The following BABAM2 variants were observed in gnomAD, a reference collection of about 807,000 sequenced individuals.
BABAM2 encodes BRISC and BRCA1 A complex member 2, also known as BRISC and BRCA1-A complex member 2.
BABAM2 carries 31 observed loss-of-function variants against 54.7 expected under a neutral mutation model. That is an observed-to-expected ratio of 0.57 (90% confidence interval 0.43 to 0.77). The LOEUF is 0.77. BABAM2 is among the 30% of genes least tolerant of loss of function. The pLI, the probability that BABAM2 is intolerant of heterozygous loss-of-function variation, is 0.00. For synonymous variants in BABAM2, 167 were observed against 162.9 expected (o/e 1.03, Z -0.19); for missense variants, 364 against 455.8 (o/e 0.80, Z 1.83).
intron 11 of BABAM2, among the ~76,000 whole-genome samples, chr2:28,327,960 G>A (rs1690622947): frequency 6.6e-6 from 1 of 152,164 alleles, no homozygotes; most frequent in Non-Finnish European, 1.5e-5. Context: ...GCCCACACCC[G>A]AGAGCCAGGC....
intron 6 of BABAM2, among the ~76,000 whole-genome samples, chr2:28,092,860 AG>A (rs201250264): frequency 0.012 from 1,874 of 152,002 alleles, 16 homozygotes; most frequent in Middle Eastern, 0.031. Context: ...TCAAGATCAT[AG>A]GATCATGTTT....
intron 7 of BABAM2, among the ~76,000 whole-genome samples, chr2:28,234,690 A>G (rs1263971496): frequency 1.3e-5 from 2 of 152,154 alleles, no homozygotes; most frequent in African/African-American, 2.4e-5. Context: ...CAGATATTCA[A>G]CCTGTACCTA....
At position 28,248,207 on chromosome 2, in the gene BABAM2, C is replaced by CTTTTTCTTTTTTTTTTTTTTTTT. The variant is rs1553349503; in HGVS notation, c.934+3350_934+3351insCTTTTTTTTTTTTTTTTTTTTTT. ...AGTAGCTTTTGTTTATTTTCTTTTT[C>CTTTTTCTTTTTTTTTTTTTTTTT]TTTTTTTTTTTTTTTTTTTGAGACG... is the stretch of plus-strand genomic sequence containing the variant. On this transcript the variant is annotated intron_variant, in intron 10 of 11. Transcript: ENST00000379624. 7.2e-4 allele frequency among the ~76,000 whole-genome samples: 39 copies of CTTTTTCTTTTTTTTTTTTTTTTT among 54,306 alleles called. 1 individual carries two copies. The highest frequency in any genetic ancestry group is 1.9e-3 in the Admixed American group (6 of 3,204). The allele number at this position is 54,306 out of a possible 152,430, so 35.6% of individuals were successfully genotyped here.
intron 4 of BABAM2, among the ~76,000 whole-genome samples, chr2:28,023,447 T>C (rs1305370472): frequency 1.3e-5 from 2 of 152,230 alleles, no homozygotes; most frequent in South Asian, 4.1e-4. Context: ...TTTTAAGTTC[T>C]ATACGGTGCT....
intron 2 of BABAM2, among the ~76,000 whole-genome samples, chr2:27,924,528 G>A (rs1021715236): frequency 3.3e-5 from 5 of 152,038 alleles, no homozygotes; most frequent in Admixed American, 6.6e-5. Flanking sequence ...GGGACTACAG[G>A]CATGCACACC....
chr2:28,224,851 C>CAAAAAAAAAAAAAAAAAAA (rs754146418), intron 7 of BABAM2, among the ~76,000 whole-genome samples: 2 of 83,922 alleles, frequency 2.4e-5, no homozygotes, highest in Non-Finnish European at 2.4e-5. Flanking sequence ...GGTAAATTGA[C>CAAAAAAAAAAAAAAAAAAA]AAAAAAAAAA....
At chr2:28,323,400 G>A (rs1187700996) in intron 11 of BABAM2, among the ~76,000 whole-genome samples, 1 of 152,076 alleles carries the variant, frequency 6.6e-6, no homozygotes. Context: ...CTAAGCGCTG[G>A]GAGAGGTCAT....
chr2:28,316,412 G>T (rs183932911), intron 11 of BABAM2, among the ~76,000 whole-genome samples: 1 of 113,380 alleles, frequency 8.8e-6, no homozygotes, highest in Admixed American at 8.2e-5. Context: ...GTGGGAGTGG[G>T]GGTGGGGGTG....
chr2:28,300,880 T>G (rs1688050035), intron 11 of BABAM2, among the ~76,000 whole-genome samples: 1 of 152,184 alleles, frequency 6.6e-6, no homozygotes, highest in African/African-American at 2.4e-5. Flanking sequence ...ATGGATCCAT[T>G]TTAAATGTAA....
intron 7 of BABAM2, among the ~76,000 whole-genome samples, chr2:28,223,216 T>G (rs1265040026): frequency 1.3e-5 from 2 of 152,224 alleles, no homozygotes; most frequent in Non-Finnish European, 2.9e-5. Flanking sequence ...TTATTTTTGT[T>G]AAAACACTAA....
chr2:28,072,341 T>C (rs1168893979), intron 6 of BABAM2, among the ~76,000 whole-genome samples: 2 of 151,518 alleles, frequency 1.3e-5, no homozygotes, highest in African/African-American at 4.9e-5. Flanking sequence ...CCCAGCTAAT[T>C]TTTGTATTTT....
At chr2:27,916,838 C>A (rs921612951) in intron 2 of BABAM2, among the ~76,000 whole-genome samples, 2 of 152,102 alleles carry the variant, frequency 1.3e-5, no homozygotes, top group African/African-American at 4.8e-5. Context: ...TTTTCTTTAA[C>A]CACTAATTTG....
chr2:27,891,918 CA>C (rs1664888252), intron 1 of BABAM2, among the ~76,000 whole-genome samples: 1 of 152,168 alleles, frequency 6.6e-6, no homozygotes, highest in African/African-American at 2.4e-5. Flanking sequence ...TTCCCTTTAA[CA>C]TTTGACTAGT....
intron 11 of BABAM2, among the ~76,000 whole-genome samples, chr2:28,323,548 A>T (rs958059584): frequency 6.6e-6 from 1 of 152,200 alleles, no homozygotes; most frequent in African/African-American, 2.4e-5. Context: ...CACTTTGCAG[A>T]TGAGGCATCT....
At chr2:27,942,924 C>T (rs1669032135) in intron 3 of BABAM2, among the ~76,000 whole-genome samples, 1 of 152,014 alleles carries the variant, frequency 6.6e-6, no homozygotes, top group South Asian at 2.1e-4. Context: ...CACCCTCAGC[C>T]TCCCGAGTAG....
intron 3 of BABAM2, among the ~76,000 whole-genome samples, chr2:27,959,937 T>C (rs953817648): frequency 3.3e-5 from 5 of 152,196 alleles, no homozygotes; most frequent in Admixed American, 6.5e-5. Context: ...TTTTCATTCA[T>C]TGCTTCTGAA....
intron 4 of BABAM2, among the ~76,000 whole-genome samples, chr2:28,020,955 AC>A (rs1675202222): frequency 1.2e-5 from 1 of 84,448 alleles, no homozygotes; most frequent in African/African-American, 3.6e-5. Context: ...TCTCTCTGAC[AC>A]ACACACACAC....
chr2:28,179,576 G>A (rs1675397199), intron 7 of BABAM2, among the ~76,000 whole-genome samples: 1 of 152,184 alleles, frequency 6.6e-6, no homozygotes, highest in Non-Finnish European at 1.5e-5. Flanking sequence ...ACAAGACAAG[G>A]ATGCACACTT....
chr2:28,141,096 C>G (rs917490525), intron 7 of BABAM2, among the ~76,000 whole-genome samples: 2 of 152,108 alleles, frequency 1.3e-5, no homozygotes, highest in Admixed American at 6.5e-5. Flanking sequence ...AACCAAATTA[C>G]CTTCCAAAGG....
Sources: allele counts gnomAD v4.1 joint callset (sites outside exome capture counted in the v4.1 genomes callset), GRCh38; gene constraint gnomAD v4.1.1; transcripts MANE v1.5; gene names NCBI Gene and HGNC (gene_info 2026-07-23, HGNC 2026-07-21).